The following PBX1 variants were observed in gnomAD, a reference collection of about 807,000 sequenced individuals.
PBX1 encodes the protein pre-B-cell leukemia transcription factor 1.
Under a neutral mutation model 53.4 loss-of-function variants are expected in PBX1, and 6 were observed. That is an observed-to-expected ratio of 0.11 (90% CI 0.06 to 0.22). The LOEUF is 0.22. Among genes scored for constraint, PBX1 ranks in the 10% least tolerant of loss-of-function variants. The pLI, the probability that PBX1 is intolerant of heterozygous loss-of-function variation, is 1.00. For missense variants in PBX1, 251 were observed against 551.4 expected (o/e 0.46, Z 5.46); for synonymous variants, 204 against 212.3 (o/e 0.96, Z 0.34).
intron 2 of PBX1, among the ~76,000 whole-genome samples, chr1:164,595,287 A>G (rs1467496410): frequency 6.6e-6 from 1 of 152,174 alleles, no homozygotes; most frequent in Non-Finnish European, 1.5e-5. Context: ...GATTCTCCCT[A>G]AAAATCCGTG....
At chr1:164,746,240 A>G (rs1357045081) in intron 2 of PBX1, among the ~76,000 whole-genome samples, 1 of 152,228 alleles carries the variant, frequency 6.6e-6, no homozygotes, top group African/African-American at 2.4e-5. Context: ...GTATAGTTAT[A>G]AGAAGTACCT....
intron 2 of PBX1, among the ~76,000 whole-genome samples, chr1:164,710,054 C>G (rs1686175): frequency 6.6e-6 from 1 of 152,176 alleles, no homozygotes; most frequent in Non-Finnish European, 1.5e-5. Flanking sequence ...GAATCATAGA[C>G]TTGTTTTGAG....
intron 2 of PBX1, among the ~76,000 whole-genome samples, chr1:164,593,225 G>A (rs957234157): frequency 6.6e-6 from 1 of 152,046 alleles, no homozygotes; most frequent in South Asian, 2.1e-4. Context: ...TGCAAAGTGC[G>A]GGAATAACAG....
At chr1:164,708,215 C>T (rs949550512) in intron 2 of PBX1, among the ~76,000 whole-genome samples, 3 of 152,126 alleles carry the variant, frequency 2.0e-5, no homozygotes, top group African/African-American at 7.2e-5. Flanking sequence ...AGTTCCTGGA[C>T]TGCACGCAGC....
At chr1:164,625,946 A>C (rs549196795) in intron 2 of PBX1, 2 of 1,035,262 alleles carry the variant, frequency 1.9e-6, no homozygotes, top group African/African-American at 3.4e-5. Context: ...GGAGGCCAGG[A>C]GTCGGAACTG....
downstream of PBX1, among the ~76,000 whole-genome samples, chr1:164,853,879 T>C (rs1251213502): frequency 6.6e-6 from 1 of 152,062 alleles, no homozygotes; most frequent in Non-Finnish European, 1.5e-5. Context: ...TGTACATGGC[T>C]ATCCTTATAG....
intron 2 of PBX1, among the ~76,000 whole-genome samples, chr1:164,876,007 C>T (rs188895564): frequency 0.22 from 22,259 of 103,436 alleles, 4,454 homozygotes; most frequent in Middle Eastern, 0.26. Flanking sequence ...TATATATATA[C>T]ACACATACAC....
chr1:164,635,236 G>A (rs1658678405), intron 2 of PBX1, among the ~76,000 whole-genome samples: 1 of 152,082 alleles, frequency 6.6e-6, no homozygotes, highest in Non-Finnish European at 1.5e-5. Flanking sequence ...TCCAAGAGAG[G>A]AGCTCTCAGT....
At chr1:164,709,637 T>C (rs1441858914) in intron 2 of PBX1, among the ~76,000 whole-genome samples, 1 of 151,946 alleles carries the variant, frequency 6.6e-6, no homozygotes, top group African/African-American at 2.4e-5. Flanking sequence ...CAGTCTCTTA[T>C]TAATACTGCA....
At chr1:164,831,351 G>A (rs1240729278) in intron 8 of PBX1, 1 of 151,652 alleles carries the variant, frequency 6.6e-6, no homozygotes, top group Non-Finnish European at 1.5e-5. Context: ...AACTAAATGT[G>A]CAAATCATAA....
Position 164,669,085 on chromosome 1 carries a change from C to T in PBX1, c.265+105774C>T, listed in dbSNP as rs138633191. On this transcript the variant is annotated intron_variant, in intron 2 of 8. Transcript: ENST00000420696. ...GGGGGTAACATTTTCCTCTTACCTCCCCCATCACCCACCCCTCTTCTTCCC... is the reference window on the plus strand; with the variant it reads ...GGGGGTAACATTTTCCTCTTACCTCTCCCATCACCCACCCCTCTTCTTCCC... Among the ~76,000 whole-genome samples, 269 of 152,100 alleles carry T rather than the reference C, an allele frequency of 1.8e-3. 1 individual carries two copies. The highest frequency in any genetic ancestry group is 6.4e-3 in the African/African-American group (266 of 41,496).
At chr1:164,697,401 A>G (rs1438628304) in intron 2 of PBX1, among the ~76,000 whole-genome samples, 2 of 152,186 alleles carry the variant, frequency 1.3e-5, no homozygotes, top group African/African-American at 4.8e-5. Flanking sequence ...CTCTTCTACC[A>G]TGCTCCTATA....
At chr1:164,760,155 C>G (rs1485759077) in intron 2 of PBX1, among the ~76,000 whole-genome samples, 3 of 152,184 alleles carry the variant, frequency 2.0e-5, no homozygotes, top group African/African-American at 7.2e-5. Context: ...TGGAGCCTGT[C>G]ACTCCGTCTT....
At chr1:164,573,817 A>G (rs1413199673) in intron 2 of PBX1, among the ~76,000 whole-genome samples, 1 of 152,136 alleles carries the variant, frequency 6.6e-6, no homozygotes. Flanking sequence ...GCCTTGCCAT[A>G]CTTCAAGTGC....
intron 2 of PBX1, among the ~76,000 whole-genome samples, chr1:164,764,481 A>T (rs983074776): frequency 2.6e-5 from 4 of 152,158 alleles, no homozygotes; most frequent in African/African-American, 9.7e-5. Flanking sequence ...TGTTGCAGTA[A>T]TGTGGGGATG....
chr1:164,794,335 A>G (rs537641550), intron 3 of PBX1, among the ~76,000 whole-genome samples: 1 of 152,334 alleles, frequency 6.6e-6, no homozygotes, highest in South Asian at 2.1e-4. Flanking sequence ...TAAAGTGAAT[A>G]AATTTTCATT....
intron 2 of PBX1, among the ~76,000 whole-genome samples, chr1:164,646,393 C>A (rs1383378302): frequency 6.6e-6 from 1 of 152,170 alleles, no homozygotes; most frequent in African/African-American, 2.4e-5. Context: ...GAAAGCTTGT[C>A]ATTGACAGCC....
At chr1:164,592,512 A>G (rs1475475312) in intron 2 of PBX1, among the ~76,000 whole-genome samples, 1 of 152,180 alleles carries the variant, frequency 6.6e-6, no homozygotes, top group East Asian at 1.9e-4. Flanking sequence ...TGTGATTACC[A>G]TTTCTCCTTG....
In PBX1 at chr1:164,654,309, A is replaced by G. The variant is rs146413737; in HGVS notation, c.265+90998A>G. 3.0e-3 allele frequency among the ~76,000 whole-genome samples: 457 copies of G among 152,332 alleles called. 4 individuals carry two copies. The highest frequency in any genetic ancestry group is 0.011 in the African/African-American group (439 of 41,572). The stretch of plus-strand genomic sequence containing the variant: ...GTGCGTGTGTATTTCCAGGGTCTCT[A>G]TGATTTGCCATTTGTATTAACAGAA... On this transcript the variant is annotated intron_variant, in intron 2 of 8. Transcript: ENST00000420696.
Sources: allele counts gnomAD v4.1 joint callset (sites outside exome capture counted in the v4.1 genomes callset), GRCh38; gene constraint gnomAD v4.1.1; transcripts MANE v1.5; gene names NCBI Gene and HGNC (gene_info 2026-07-23, HGNC 2026-07-21).